Variants in SEMA3A observed in about 807,000 individuals in gnomAD.
SEMA3A encodes semaphorin-3A.
SEMA3A carries 29 observed loss-of-function variants against 97.9 expected under a neutral mutation model. That is an observed-to-expected ratio of 0.30 (90% confidence interval 0.22 to 0.40). The LOEUF is 0.40. Among genes scored for constraint, SEMA3A ranks in the 10% least tolerant of loss-of-function variants. The pLI is 1.00. For missense variants in SEMA3A, 763 were observed against 951.3 expected (o/e 0.80, Z 2.60); for synonymous variants, 321 against 323.7 (o/e 0.99, Z 0.09).
intron 3 of SEMA3A, among the ~76,000 whole-genome samples, chr7:84,280,523 C>A (rs1293999839): frequency 6.6e-6 from 1 of 152,048 alleles, no homozygotes; most frequent in Non-Finnish European, 1.5e-5. Flanking sequence ...GTGGCTCATG[C>A]CTGAAATCCC....
chr7:84,050,592 G>A (rs996608543), intron 5 of SEMA3A, among the ~76,000 whole-genome samples: 4 of 152,012 alleles, frequency 2.6e-5, no homozygotes, highest in Non-Finnish European at 4.4e-5. Context: ...TGAGTTCATT[G>A]TAGATTCTGG....
intron 3 of SEMA3A, among the ~76,000 whole-genome samples, chr7:84,227,145 T>C (rs1584145216): frequency 1.3e-5 from 2 of 151,778 alleles, no homozygotes; most frequent in Admixed American, 6.6e-5. Context: ...TATATAGATA[T>C]CTATATATCT....
At chr7:84,331,250 G>A (rs1473857694) in intron 2 of SEMA3A, among the ~76,000 whole-genome samples, 1 of 151,970 alleles carries the variant, frequency 6.6e-6, no homozygotes, top group African/African-American at 2.4e-5. Flanking sequence ...ATTTGCCAGG[G>A]GTATTTGGAA....
chr7:84,311,000 T>TTATA (rs4016123), intron 2 of SEMA3A, among the ~76,000 whole-genome samples: 27,652 of 148,466 alleles, frequency 0.19, 3,274 homozygotes, highest in Non-Finnish European at 0.28. Flanking sequence ...TTAGTAGATG[T>TTATA]TATATATATA....
intron 3 of SEMA3A, among the ~76,000 whole-genome samples, chr7:84,236,530 T>G (rs933241239): frequency 2.0e-5 from 3 of 152,118 alleles, no homozygotes; most frequent in Non-Finnish European, 2.9e-5. Flanking sequence ...TCCTCCAAGA[T>G]GTTATTGCAA....
chr7:84,058,752 C>T (rs997428427), intron 5 of SEMA3A, among the ~76,000 whole-genome samples: 2 of 152,094 alleles, frequency 1.3e-5, no homozygotes, highest in Non-Finnish European at 2.9e-5. Context: ...TTCTGAAACA[C>T]CTATTGTTCT....
chr7:84,038,272 T>G (rs1162588661), intron 6 of SEMA3A, among the ~76,000 whole-genome samples: 1 of 152,146 alleles, frequency 6.6e-6, no homozygotes, highest in Non-Finnish European at 1.5e-5. Flanking sequence ...CCACTTTGAT[T>G]GCTTTCCTAG....
intron 1 of SEMA3A, among the ~76,000 whole-genome samples, chr7:84,183,098 A>G (rs1584094795): frequency 6.6e-6 from 1 of 152,208 alleles, no homozygotes; most frequent in Non-Finnish European, 1.5e-5. Flanking sequence ...AATATCTTCT[A>G]TGTATCAAGC....
At chr7:84,429,946 G>A (rs1804937505) in intron 1 of SEMA3A, among the ~76,000 whole-genome samples, 1 of 151,768 alleles carries the variant, frequency 6.6e-6, no homozygotes, top group Non-Finnish European at 1.5e-5. Context: ...ATGCTACCTA[G>A]GAGCTTTACG....
chr7:84,084,253 G>A (rs2691698), intron 4 of SEMA3A, among the ~76,000 whole-genome samples: 121,452 of 151,954 alleles, frequency 0.8, 48,576 homozygotes, highest in Admixed American at 0.85. Context: ...CTTTCAAAAA[G>A]CTGATTATAA....
At chr7:84,098,229 C>A (rs2115885115) in intron 4 of SEMA3A, among the ~76,000 whole-genome samples, 1 of 151,996 alleles carries the variant, frequency 6.6e-6, no homozygotes, top group Admixed American at 6.6e-5. Context: ...TGCTTCATTG[C>A]TAAACTTACT....
intron 4 of SEMA3A, among the ~76,000 whole-genome samples, chr7:84,066,617 T>C (rs919849149): frequency 6.7e-6 from 1 of 148,988 alleles, no homozygotes; most frequent in African/African-American, 2.5e-5. Flanking sequence ...AGCATTCTTA[T>C]ACATCATCAA....
intron 4 of SEMA3A, among the ~76,000 whole-genome samples, chr7:84,081,501 G>A (rs940690190): frequency 1.3e-5 from 2 of 151,698 alleles, no homozygotes; most frequent in Admixed American, 1.3e-4. Context: ...GCTGAGGCAG[G>A]AGAATGGCGT....
At position 84,305,933 on chromosome 7, in the gene SEMA3A, T is replaced by C. The variant is rs113429836; in HGVS notation, c.-83+1274A>G. On this transcript the variant is annotated intron_variant, in intron 3 of 3. Coordinates refer to the SEMA3A transcript ENST00000424555. ...ATATATTAATTCATATATGTATATA[T>C]ACATGTATTAATTTATATATACATG... Among the ~76,000 whole-genome samples, 5 of 151,738 alleles carry C rather than the reference T, an allele frequency of 3.3e-5. 1 individual carries two copies. Among genetic ancestry groups the C allele is most frequent in the African/African-American group, 1.2e-4 (5 of 41,504 alleles).
chr7:84,399,412 G>A (rs1803835523), intron 1 of SEMA3A, among the ~76,000 whole-genome samples: 1 of 152,200 alleles, frequency 6.6e-6, no homozygotes, highest in African/African-American at 2.4e-5. Flanking sequence ...CTCAGAGGCT[G>A]TGGGCTCAGG....
chr7:83,974,308 C>T (rs1789048781), intron 15 of SEMA3A, among the ~76,000 whole-genome samples: 1 of 152,088 alleles, frequency 6.6e-6, no homozygotes. Flanking sequence ...AGCAGAGTGC[C>T]AAGTGAGTGT....
chr7:84,482,357 G>A (rs900900114), intron 1 of SEMA3A, among the ~76,000 whole-genome samples: 1 of 151,994 alleles, frequency 6.6e-6, no homozygotes, highest in Non-Finnish European at 1.5e-5. Context: ...TTCCTAAATG[G>A]TAAATTAGTA....
chr7:84,122,215 A>C (rs1186109145), intron 3 of SEMA3A, among the ~76,000 whole-genome samples: 4 of 152,122 alleles, frequency 2.6e-5, no homozygotes, highest in African/African-American at 9.6e-5. Flanking sequence ...CAAAGAACTA[A>C]AACAAATTTA....
chr7:84,376,265 A>C (rs931674385), intron 1 of SEMA3A, among the ~76,000 whole-genome samples: 1 of 152,090 alleles, frequency 6.6e-6, no homozygotes, highest in African/African-American at 2.4e-5. Context: ...GAACTTTCAC[A>C]CTGTTTTTTA....
Sources: gnomAD v4.1 joint callset for allele counts (sites outside exome capture counted in the v4.1 genomes callset) on GRCh38, gnomAD v4.1.1 for gene constraint, MANE v1.5 for transcripts, NCBI Gene and HGNC (gene_info 2026-07-23, HGNC 2026-07-21) for gene names.